MMP14: variants seen among roughly 807,000 people sequenced by gnomAD.
The protein encoded by MMP14 is matrix metallopeptidase 14.
A neutral mutation model predicts 64.8 loss-of-function variants in MMP14; 13 were observed. That is an observed-to-expected ratio of 0.20 (90% CI 0.13 to 0.32). The LOEUF (loss-of-function observed/expected upper bound fraction) is 0.32. Ranked by LOEUF, MMP14 falls within the 10% of genes least tolerant of loss-of-function variation. The pLI is 1.00. For synonymous variants in MMP14, 322 were observed against 315.9 expected (o/e 1.02, Z -0.20); for missense variants, 594 against 783.8 (o/e 0.76, Z 2.89).
intron 1 of MMP14, among the ~76,000 whole-genome samples, chr14:22,837,984 A>G (rs2039747116): frequency 6.6e-6 from 1 of 152,000 alleles, no homozygotes; most frequent in Admixed American, 6.5e-5. Flanking sequence ...TAGAAGGGGG[A>G]TGGGATATGG....
Position 22,842,093 on chromosome 14 carries a change from T to G in MMP14, c.380+58T>G, listed in dbSNP as rs538473398. The G allele has an allele frequency of 1.9e-5, 31 of 1,607,754 alleles. 1 individual carries two copies. The East Asian group carries it at 2.7e-4, about 14-fold the overall frequency. On this transcript the variant is annotated intron_variant, in intron 3 of 9. Coordinates refer to ENST00000311852, the MANE Select transcript of MMP14 (RefSeq NM_004995.4). This position sits in a 1 kb window ranked among gnomAD's most constrained non-coding sequence, Gnocchi z 5.3. ...TCTGGTTATTATTTCCTACCCATTGTGCTTATGCAGGGACTCAGAGACCCC... is the reference window on the plus strand; with the variant it reads ...TCTGGTTATTATTTCCTACCCATTGGGCTTATGCAGGGACTCAGAGACCCC...
chr14:22,840,654 G>C (rs192138741), intron 1 of MMP14, among the ~76,000 whole-genome samples: 17 of 151,886 alleles, frequency 1.1e-4, no homozygotes, highest in African/African-American at 4.1e-4. Context: ...GACTACAAGC[G>C]CCCGCCACCG....
intron 1 of MMP14, among the ~76,000 whole-genome samples, chr14:22,839,884 G>C (rs571236166): frequency 6.6e-6 from 1 of 151,512 alleles, no homozygotes; most frequent in East Asian, 1.9e-4. Context: ...GCAGGGACTA[G>C]AGCTATCTGG....
At position 22,846,224 on chromosome 14, in the gene MMP14, T is replaced by C; in HGVS notation, c.*185T>C. Reference sequence around the variant, plus strand: ...GCCTCCCTCCCTCCTGCCCCGGCATTGCATCTTCCCTAGATAGGTCCCCTG... The same window carrying C: ...GCCTCCCTCCCTCCTGCCCCGGCATCGCATCTTCCCTAGATAGGTCCCCTG... On this transcript the variant is annotated 3_prime_UTR_variant, in exon 10 of 10. Coordinates refer to ENST00000311852, the MANE Select transcript of MMP14 (RefSeq NM_004995.4). 1.6e-6 allele frequency: 1 copy of C among 614,972 alleles called. No individual in the cohort carries two copies. The highest frequency in any genetic ancestry group is 3.2e-5 in the Admixed American group (1 of 31,728). 38.1% of individuals were successfully genotyped at this position (614,972 alleles called of 1,614,324 possible).
In MMP14 at chr14:22,844,764, T is replaced by A. The variant is rs2039800221; in HGVS notation, c.1285T>A (p.Phe429Ile). Residue 429 changes from phenylalanine (F) to isoleucine (I), a missense_variant, in exon 8 of 10, where the codon TTC becomes ATC. Coordinates refer to ENST00000311852, the MANE Select transcript of MMP14 (RefSeq NM_004995.4). Reference protein sequence around the residue: ...LFWMPNGKTYFFRGNKYYRFN... With the variant: ...LFWMPNGKTYIFRGNKYYRFN... ...CTGGATGCCCAATGGAAAGACCTAC[T>A]TCTTCCGTGGAAACAAGTAAGACCT... 1 of 1,613,938 alleles carries A rather than the reference T, an allele frequency of 6.2e-7. No individual in the cohort carries two copies. The highest frequency in any genetic ancestry group is 8.5e-7 in the Non-Finnish European group (1 of 1,180,026).
Position 22,842,835 on chromosome 14 carries a change from C to G in MMP14, c.688+118C>G. On this transcript the variant is annotated intron_variant, in intron 4 of 9. Transcript: ENST00000311852. This position sits in a 1 kb window ranked among gnomAD's most constrained non-coding sequence, Gnocchi z 5.3. The stretch of plus-strand genomic sequence containing the variant: ...GAAGGGACCACAGAGACCTTCTGAT[C>G]TAACTTCTGACAAAAGCAGGAGTCC... The G allele has an allele frequency of 1.8e-6, 2 of 1,101,010 alleles. No homozygotes were observed. The highest frequency in any genetic ancestry group is 2.6e-6 in the Non-Finnish European group (2 of 781,762). 68.2% of individuals were successfully genotyped at this position (1,101,010 alleles called of 1,614,324 possible). A position where few individuals can be genotyped will look rare whatever the true frequency, so the allele number is the denominator to read the frequency against.
chr14:22,838,042 A>G lies in MMP14; in HGVS notation c.108+1117A>G, dbSNP rs190838935. 8.6e-4 allele frequency among the ~76,000 whole-genome samples: 131 copies of G among 152,324 alleles called. 2 individuals carry two copies. The East Asian group carries it at 0.024, about 28-fold the overall frequency. ...CCACCCCGGAGAAAACTCTTTGGAA[A>G]GAATACTGTCTTCTCTCTGCGTCCC... On this transcript the variant is annotated intron_variant, in intron 1 of 9. Transcript: ENST00000311852.
At position 22,842,064 on chromosome 14, in the gene MMP14, C is replaced by T. The variant is rs750056213; in HGVS notation, c.380+29C>T. The T allele has an allele frequency of 3.1e-6, 5 of 1,613,852 alleles. No homozygotes were observed. The Admixed American group carries it at 8.3e-5, about 27-fold the overall frequency. ...AGTCCAACAGGCAAGCAACCTTTCT[C>T]ACATCTGGTTATTATTTCCTACCCA... On this transcript the variant is annotated intron_variant, in intron 3 of 9. Transcript: ENST00000311852. The surrounding 1 kb of genome is among the most constrained non-coding windows in gnomAD (Gnocchi z 5.3).
At chr14:22,836,946 T>C in intron 1 of MMP14, 21 bp downstream of exon 1, 1 of 1,583,464 alleles carries the variant, frequency 6.3e-7, no homozygotes, top group Non-Finnish European at 8.7e-7. Flanking sequence ...TTCCCGGCCC[T>C]TCCCGGAGTC....
At position 22,841,474 on chromosome 14, in the gene MMP14, T is replaced by A; in HGVS notation, c.109-17T>A. The A allele has an allele frequency of 6.2e-7, 1 of 1,612,490 alleles. No individual in the cohort carries two copies. The highest frequency in any genetic ancestry group is 8.5e-7 in the Non-Finnish European group (1 of 1,179,838). ...GGCCAGGTGGGGACACTCTAAGCCA[T>A]ACCCCTTTCCCTACAGGCCTGGCTA... On this transcript the variant is annotated splice_polypyrimidine_tract_variant and intron_variant, in intron 1 of 9. Coordinates refer to ENST00000311852, the MANE Select transcript of MMP14 (RefSeq NM_004995.4).
In MMP14 at chr14:22,841,548, C is replaced by T. The variant is rs1456467056; in HGVS notation, c.166C>T (p.Arg56Cys). ...PPGDLRTHTQ[R>C]SPQSLSAAIA... ...CGGGGACCTACGTACCCACACACAG[C>T]GCTCACCCCAGTCACTCTCAGCGGC... The change falls in exon 2 of 10, where the codon CGC becomes TGC. Residue 56 changes from arginine (R) to cysteine (C), a missense_variant. By Grantham distance (180) the Arg-to-Cys change is radical. This residue lies in a region of MMP14 where 179 missense variants were observed against 283.4 expected (regional missense o/e 0.63). Coordinates refer to ENST00000311852, the MANE Select transcript of MMP14 (RefSeq NM_004995.4). 4.3e-6 allele frequency: 7 copies of T among 1,614,014 alleles called. No individual in the cohort carries two copies. The highest frequency in any genetic ancestry group is 1.3e-5 in the African/African-American group (1 of 74,936).
At position 22,842,801 on chromosome 14, in the gene MMP14, T is replaced by A; in HGVS notation, c.688+84T>A. On this transcript the variant is annotated intron_variant, in intron 4 of 9. Transcript: ENST00000311852. This position sits in a 1 kb window ranked among gnomAD's most constrained non-coding sequence, Gnocchi z 5.3. ...GGTTCCCCTCCCTCCTTCCAAAATC[T>A]CCGGGCTAGAAGGGACCACAGAGAC... is the stretch of plus-strand genomic sequence containing the variant. 7.0e-7 allele frequency: 1 copy of A among 1,434,738 alleles called. No individual in the cohort carries two copies. The highest frequency in any genetic ancestry group is 1.4e-5 in the South Asian group (1 of 73,534). The allele number at this position is 1,434,738 out of a possible 1,614,324, so 88.9% of individuals were successfully genotyped here.
intron 1 of MMP14, chr14:22,837,348 T>C (rs1329785045): frequency 8.7e-6 from 4 of 457,182 alleles, no homozygotes; most frequent in African/African-American, 8.0e-5. Flanking sequence ...ACTTCCCAGC[T>C]CTCCAGCGCT....
At position 22,844,479 on chromosome 14, in the gene MMP14, A is replaced by C. The variant is rs1566482740; in HGVS notation, c.1120A>C (p.Arg374=). 6.2e-7 allele frequency: 1 copy of C among 1,614,148 alleles called. No individual in the cohort carries two copies. The highest frequency in any genetic ancestry group is 8.5e-7 in the Non-Finnish European group (1 of 1,180,006). ...LPASINTAYE[R]KDGKFVFFKG... ...TGCGTCCATCAACACTGCCTACGAGAGGAAGGATGGCAAATTCGTCTTCTT... is the reference window on the plus strand; with the variant it reads ...TGCGTCCATCAACACTGCCTACGAGCGGAAGGATGGCAAATTCGTCTTCTT... Residue 374 remains arginine, a synonymous_variant, in exon 7 of 10, where the codon AGG becomes CGG. Coordinates refer to ENST00000311852, the MANE Select transcript of MMP14 (RefSeq NM_004995.4).
intron 9 of MMP14, 117 bp from the exon 10 acceptor site, chr14:22,845,591 C>G (rs2039806626): frequency 9.9e-6 from 11 of 1,115,810 alleles, no homozygotes; most frequent in Middle Eastern, 2.1e-4. Context: ...GAAGCTGATG[C>G]TCACGAAGGT....
chr14:22,839,840 C>T (rs557738206), intron 1 of MMP14, among the ~76,000 whole-genome samples: 14 of 152,210 alleles, frequency 9.2e-5, no homozygotes, highest in Non-Finnish European at 1.9e-4. Flanking sequence ...AACCTACAGC[C>T]GCTTCCTGAA....
chr14:22,845,936 T>C lies in MMP14; in HGVS notation c.1646T>C (p.Leu549Pro). 6.2e-7 allele frequency: 1 copy of C among 1,600,310 alleles called. No individual in the cohort carries two copies. Among genetic ancestry groups the C allele is most frequent in the East Asian group, 2.3e-5 (1 of 44,328 alleles). The part of the protein sequence containing the change: ...AAAVVLPVLL[L>P]LLVLAVGLAV... The stretch of plus-strand genomic sequence containing the variant: ...GCCGTGGTGCTGCCCGTGCTGCTGC[T>C]GCTCCTGGTGCTGGCGGTGGGCCTT... Residue 549 changes from leucine to proline, a missense_variant, in exon 10 of 10, where the codon CTG becomes CCG. Leu to Pro is a moderately conservative substitution (Grantham distance 98). Around this residue, in one of 4 missense-constraint regions of MMP14, gnomAD observed 364 missense variants for 425.2 expected, o/e 0.86. Transcript: ENST00000311852.
chr14:22,838,990 A>AC (rs2039754270), intron 1 of MMP14, among the ~76,000 whole-genome samples: 3 of 150,844 alleles, frequency 2.0e-5, no homozygotes, highest in African/African-American at 2.4e-5. Flanking sequence ...GAATATTTAG[A>AC]CCCCCCTAGC....
At chr14:22,840,206 A>T (rs1473847866) in intron 1 of MMP14, among the ~76,000 whole-genome samples, 1 of 152,012 alleles carries the variant, frequency 6.6e-6, no homozygotes, top group African/African-American at 2.4e-5. Context: ...ACCTCAGGTG[A>T]TCTGCCCGCC....
Sources: gnomAD v4.1 joint callset for allele counts (sites outside exome capture counted in the v4.1 genomes callset) on GRCh38, gnomAD v4.1.1 for gene constraint, gnomAD v4.1.1 regional missense constraint, Gnocchi (gnomAD v3.1) non-coding constraint, MANE v1.5 for transcripts, NCBI Gene and HGNC (gene_info 2026-07-23, HGNC 2026-07-21) for gene names.